Variants in DST observed in about 807,000 individuals in gnomAD.
DST encodes dystonin, also known as bullous pemphigoid antigen.
A neutral mutation model predicts 875.2 loss-of-function variants in DST; 253 were observed. The ratio of observed to expected loss-of-function variants is 0.29; its 90% CI spans 0.26 to 0.32. The LOEUF (loss-of-function observed/expected upper bound fraction) is 0.32, where lower values mean the gene tolerates loss of function less well. Ranked by LOEUF, DST falls within the 10% of genes least tolerant of loss-of-function variation. DST has a pLI of 1.00. For missense variants in DST, 8,287 were observed against 9,111.6 expected (o/e 0.91, Z 3.68); for synonymous variants, 3,124 against 3,197.1 (o/e 0.98, Z 0.77).
At chr6:56,747,341 C>A (rs1276027587) in intron 4 of DST, among the ~76,000 whole-genome samples, 2 of 152,128 alleles carry the variant, frequency 1.3e-5, no homozygotes, top group East Asian at 3.9e-4. Context: ...CTCCTGCCTT[C>A]CTGTAAGTGC....
chr6:56,884,476 T>G (rs1222950992), intron 3 of DST, among the ~76,000 whole-genome samples: 2 of 152,204 alleles, frequency 1.3e-5, no homozygotes, highest in Non-Finnish European at 2.9e-5. Context: ...CAAGAATACT[T>G]TATAAGTATT....
At chr6:56,630,518 T>C (rs1464047773) in intron 30 of DST, 135 bp from the exon 31 acceptor site, 1 of 831,878 alleles carries the variant, frequency 1.2e-6, no homozygotes, top group African/African-American at 1.7e-5. Flanking sequence ...ACTATGAAAC[T>C]GACATTTTTC....
intron 4 of DST, among the ~76,000 whole-genome samples, chr6:56,799,916 C>T (rs550838185): frequency 1.1e-4 from 17 of 152,094 alleles, no homozygotes; most frequent in South Asian, 4.1e-4. Flanking sequence ...TGAGCCACCA[C>T]GTCCAGCCAA....
At chr6:56,550,417 A>G (rs2097303138) in intron 61 of DST, among the ~76,000 whole-genome samples, 1 of 152,208 alleles carries the variant, frequency 6.6e-6, no homozygotes, top group Admixed American at 6.5e-5. Flanking sequence ...TCACAATCAA[A>G]TAAAACAATC....
intron 4 of DST, among the ~76,000 whole-genome samples, chr6:56,799,510 C>T (rs1280081078): frequency 1.3e-5 from 2 of 152,050 alleles, no homozygotes; most frequent in Non-Finnish European, 2.9e-5. Flanking sequence ...CAGCCATCAA[C>T]ATCAAGGCAA....
intron 69 of DST, 41 bp from the exon 70 acceptor site, chr6:56,517,661 C>A: frequency 6.3e-7 from 1 of 1,576,962 alleles, no homozygotes; most frequent in Non-Finnish European, 8.6e-7. Flanking sequence ...CGTTCCCGTT[C>A]CTGATGCCAG....
At chr6:56,680,279 T>C (rs944559823) in intron 9 of DST, among the ~76,000 whole-genome samples, 1 of 152,230 alleles carries the variant, frequency 6.6e-6, no homozygotes, top group East Asian at 1.9e-4. Context: ...TGTTCATAAC[T>C]CTATTTTTCC....
chr6:56,780,192 A>G (rs922950521), intron 4 of DST, among the ~76,000 whole-genome samples: 5 of 151,832 alleles, frequency 3.3e-5, no homozygotes, highest in African/African-American at 1.2e-4. Context: ...ACATACATGT[A>G]CATGTGTCTT....
intron 83 of DST, among the ~76,000 whole-genome samples, chr6:56,493,765 C>T (rs2095827491): frequency 6.6e-6 from 1 of 151,974 alleles, no homozygotes; most frequent in Non-Finnish European, 1.5e-5. Context: ...AAAAATATAA[C>T]TAAGTAACAT....
chr6:56,666,696 A>G (rs187773855), intron 10 of DST, among the ~76,000 whole-genome samples: 1 of 152,146 alleles, frequency 6.6e-6, no homozygotes. Context: ...ACTTATGGGA[A>G]TAATTATCAA....
chr6:56,863,367 G>A (rs1772311107), intron 3 of DST: 1 of 152,190 alleles, frequency 6.6e-6, no homozygotes, highest in Non-Finnish European at 1.5e-5. Flanking sequence ...CTACTTAAAA[G>A]CACAAAAATA....
intron 3 of DST, among the ~76,000 whole-genome samples, chr6:56,871,988 G>GA (rs1190340834): frequency 6.6e-6 from 1 of 152,152 alleles, no homozygotes; most frequent in Non-Finnish European, 1.5e-5. Context: ...CAGGTATTTT[G>GA]AAAAAGAGTT....
chr6:56,639,865 T>C, intron 19 of DST, 64 bp downstream of exon 19: 1 of 1,589,104 alleles, frequency 6.3e-7, no homozygotes, highest in Non-Finnish European at 8.6e-7. Context: ...TACAGGGTCT[T>C]CATGTAAAAA....
chr6:56,570,845 GATC>G (rs2097769456), intron 53 of DST, among the ~76,000 whole-genome samples: 1 of 152,184 alleles, frequency 6.6e-6, no homozygotes, highest in Admixed American at 6.5e-5. Context: ...AATGAGCTTT[GATC>G]TGTCCCCTTT....
At chr6:56,830,466 T>C (rs959952718) in intron 4 of DST, among the ~76,000 whole-genome samples, 5 of 152,220 alleles carry the variant, frequency 3.3e-5, no homozygotes, top group Admixed American at 6.5e-5. Context: ...TTTCCAAAAA[T>C]GTTACCAAGT....
intron 4 of DST, among the ~76,000 whole-genome samples, chr6:56,801,046 A>AAAAAAT (rs1561905728): frequency 6.7e-6 from 1 of 150,266 alleles, no homozygotes; most frequent in African/African-American, 2.4e-5. Context: ...AAAAAAAAAA[A>AAAAAAT]CCTCCTATCT....
Position 56,646,268 on chromosome 6 carries a change from G to A in DST, c.1555-86C>T, listed in dbSNP as rs915990881. 11 of 712,866 alleles carry A rather than the reference G, an allele frequency of 1.5e-5. No homozygotes were observed. In the Admixed American group the frequency reaches 2.2e-4, roughly 14 times the overall value. The allele number at this position is 712,866 out of a possible 1,614,324, so 44.2% of individuals were successfully genotyped here. A position where few individuals can be genotyped will look rare whatever the true frequency, so the allele number is the denominator to read the frequency against. ...ACTAAGCCACCACTTCAAGTGTTAT[G>A]TACTGTATCATATGCAGTCAGTGGA... On this transcript the variant is annotated intron_variant, in intron 13 of 103. Coordinates refer to ENST00000680361, the MANE Select transcript of DST (RefSeq NM_001374736.1).
At chr6:56,947,346 G>T (rs1820107950) in intron 2 of DST, among the ~76,000 whole-genome samples, 1 of 151,440 alleles carries the variant, frequency 6.6e-6, no homozygotes, top group Non-Finnish European at 1.5e-5. Flanking sequence ...CACCTCCCAG[G>T]TTCAAACGAT....
intron 45 of DST, among the ~76,000 whole-genome samples, chr6:56,599,010 T>A (rs1279857563): frequency 6.6e-6 from 1 of 152,140 alleles, no homozygotes; most frequent in Non-Finnish European, 1.5e-5. Flanking sequence ...CCAGATTTTT[T>A]AATATTATAT....
Sources: gnomAD v4.1 joint callset for allele counts (sites outside exome capture counted in the v4.1 genomes callset) on GRCh38, gnomAD v4.1.1 for gene constraint, MANE v1.5 for transcripts, NCBI Gene and HGNC (gene_info 2026-07-23, HGNC 2026-07-21) for gene names.